PRTG: variants seen among roughly 807,000 people sequenced by gnomAD.
The protein encoded by PRTG is immunoglobulin superfamily, DCC subclass, member 5.
A neutral mutation model predicts 122.5 loss-of-function variants in PRTG; 67 were observed. The ratio of observed to expected loss-of-function variants is 0.55; its 90% CI spans 0.45 to 0.67. PRTG has a LOEUF of 0.67. Among genes scored for constraint, PRTG ranks in the 30% least tolerant of loss-of-function variants. PRTG has a pLI of 0.00. For synonymous variants in PRTG, 554 were observed against 501.1 expected (o/e 1.11, Z -1.41); for missense variants, 1,435 against 1,415.4 (o/e 1.01, Z -0.22).
In PRTG at chr15:55,677,843, A is replaced by G. The variant is rs11854213; in HGVS notation, c.1335T>C (p.Asn445=). The change falls in exon 8 of 20, where the codon AAT becomes AAC. Residue 445 remains asparagine (N), a synonymous_variant. Coordinates refer to ENST00000389286, the MANE Select transcript of PRTG (RefSeq NM_173814.6). Reference sequence around the variant, plus strand: ...CAGAATAGGCAATGACTTTGTCTGAATTATAAAGTGGCCTCTCCCAGGCTA... The same window carrying G: ...CAGAATAGGCAATGACTTTGTCTGAGTTATAAAGTGGCCTCTCCCAGGCTA... The part of the protein sequence containing the change: ...ILLAWERPLY[N]SDKVIAYSVH... 0.12 allele frequency: 200,559 copies of G among 1,613,280 alleles called. 16,866 individuals carry two copies. Among genetic ancestry groups the G allele is most frequent in the East Asian group, 0.39 (17,588 of 44,836 alleles).
intron 11 of PRTG, among the ~76,000 whole-genome samples, chr15:55,660,212 C>A (rs2059402675): frequency 1.3e-5 from 2 of 152,128 alleles, no homozygotes; most frequent in Non-Finnish European, 2.9e-5. Flanking sequence ...ATAGTTAGTA[C>A]AAGGCTTAAA....
intron 11 of PRTG, among the ~76,000 whole-genome samples, chr15:55,665,103 T>C (rs999506302): frequency 1.3e-5 from 2 of 150,982 alleles, no homozygotes; most frequent in Non-Finnish European, 3.0e-5. Flanking sequence ...CTAAAAAAAA[T>C]ACAAAAAATT....
chr15:55,624,273 G>T, intron 18 of PRTG, 69 bp downstream of exon 18: 1 of 1,419,682 alleles, frequency 7.0e-7, no homozygotes, highest in Non-Finnish European at 9.7e-7. Context: ...TTTGGGGGAA[G>T]TACATTTTAC....
rs147234979 is a variant in PRTG at position 55,678,854 on chromosome 15, G to T, written c.1133+432C>A. 3.7e-4 allele frequency among the ~76,000 whole-genome samples: 56 copies of T among 152,176 alleles called. 1 individual carries two copies. The highest frequency in any genetic ancestry group is 8.7e-4 in the African/African-American group (36 of 41,548). ...ACAAATGAGAATGTTACAATAATTTGTATTTATGCTAATAAAAATGAATTA... is the reference window on the plus strand; with the variant it reads ...ACAAATGAGAATGTTACAATAATTTTTATTTATGCTAATAAAAATGAATTA... On this transcript the variant is annotated intron_variant, in intron 7 of 19. Coordinates refer to ENST00000389286, the MANE Select transcript of PRTG (RefSeq NM_173814.6).
Position 55,677,408 on chromosome 15 carries a change from T to C in PRTG, c.1381+389A>G, listed in dbSNP as rs556216867. 7.2e-5 allele frequency among the ~76,000 whole-genome samples: 11 copies of C among 152,274 alleles called. No homozygotes were observed. The East Asian group carries it at 2.1e-3, about 29-fold the overall frequency. On this transcript the variant is annotated intron_variant, in intron 8 of 19. Coordinates refer to ENST00000389286, the MANE Select transcript of PRTG (RefSeq NM_173814.6). Reference sequence around the variant, plus strand: ...TTAAAAATAATAAATATACATAGTTTATTATTTTACTAAACAGTCAAACCA... The same window carrying C: ...TTAAAAATAATAAATATACATAGTTCATTATTTTACTAAACAGTCAAACCA...
At chr15:55,718,659 A>G (rs1182406229) in intron 2 of PRTG, among the ~76,000 whole-genome samples, 1 of 151,924 alleles carries the variant, frequency 6.6e-6, no homozygotes, top group African/African-American at 2.4e-5. Flanking sequence ...AAAATCATGC[A>G]AGTTTTTAAA....
intron 2 of PRTG, among the ~76,000 whole-genome samples, chr15:55,701,662 C>A (rs1191376576): frequency 6.6e-6 from 1 of 152,132 alleles, no homozygotes; most frequent in Non-Finnish European, 1.5e-5. Flanking sequence ...CATAATCATC[C>A]AAAACTGGAA....
intron 2 of PRTG, among the ~76,000 whole-genome samples, chr15:55,728,282 C>T (rs548169058): frequency 9.2e-5 from 14 of 152,252 alleles, no homozygotes; most frequent in African/African-American, 3.4e-4. Context: ...TTCTATGACA[C>T]CTACTCCACT....
At chr15:55,742,782 C>T (rs1186236997) in intron 1 of PRTG, 56 bp downstream of exon 1, 5 of 1,536,100 alleles carry the variant, frequency 3.3e-6, no homozygotes, top group African/African-American at 1.4e-5. Context: ...CCCCATCCCA[C>T]TCGCGCCCGC....
intron 2 of PRTG, among the ~76,000 whole-genome samples, chr15:55,701,503 C>G (rs1334531740): frequency 2.6e-5 from 4 of 152,168 alleles, no homozygotes; most frequent in Non-Finnish European, 5.9e-5. Flanking sequence ...CACTGCACCC[C>G]AGCCTGGATG....
chr15:55,674,794 GA>G (rs2059492974), intron 9 of PRTG, among the ~76,000 whole-genome samples: 1 of 152,066 alleles, frequency 6.6e-6, no homozygotes, highest in Non-Finnish European at 1.5e-5. Context: ...GAACAGTATT[GA>G]TTAAGCATGT....
At chr15:55,632,879 T>G (rs1182009242) in intron 15 of PRTG, among the ~76,000 whole-genome samples, 1 of 152,226 alleles carries the variant, frequency 6.6e-6, no homozygotes, top group Non-Finnish European at 1.5e-5. Flanking sequence ...GTGCCTAGAA[T>G]AGAGCCTGGC....
At chr15:55,650,774 G>A (rs867820742) in intron 11 of PRTG, among the ~76,000 whole-genome samples, 3 of 151,992 alleles carry the variant, frequency 2.0e-5, no homozygotes, top group Admixed American at 6.6e-5. Context: ...AGACCAACCC[G>A]GGCAACACAG....
chr15:55,627,628 C>T (rs1168853572), intron 16 of PRTG, among the ~76,000 whole-genome samples: 4 of 151,908 alleles, frequency 2.6e-5, no homozygotes, highest in Non-Finnish European at 5.9e-5. Context: ...GCGTGAGCCA[C>T]CACGCCCGGC....
chr15:55,685,536 G>A (rs1276477717), intron 2 of PRTG, among the ~76,000 whole-genome samples: 1 of 152,108 alleles, frequency 6.6e-6, no homozygotes, highest in African/African-American at 2.4e-5. Flanking sequence ...TATTACAACA[G>A]ACCAAAAGTT....
Position 55,680,069 on chromosome 15 carries a change from T to C in PRTG, c.958A>G (p.Thr320Ala), listed in dbSNP as rs771790745. 1.2e-6 allele frequency: 2 copies of C among 1,613,686 alleles called. No homozygotes were observed. The highest frequency in any genetic ancestry group is 2.2e-5 in the East Asian group (1 of 44,852). ...GTRNFTVAMA[T>A]LTVLAPPSFV... is the part of the protein sequence containing the mutation. ...AGGAACATACCTAATACAGTTAAAG[T>C]TGCCATAGCAACTGTAAAGTTGCGT... The change falls in exon 6 of 20, where the codon ACT (threonine) becomes GCT (alanine). Residue 320 changes from threonine to alanine, a missense_variant. Coordinates refer to ENST00000389286, the MANE Select transcript of PRTG (RefSeq NM_173814.6).
intron 11 of PRTG, among the ~76,000 whole-genome samples, chr15:55,654,320 T>C (rs1028929962): frequency 5.9e-5 from 9 of 152,168 alleles, no homozygotes; most frequent in South Asian, 2.1e-4. Context: ...CCAGAATTTA[T>C]AGTAGTTGTA....
chr15:55,641,552 C>A (rs1389250373), intron 11 of PRTG, among the ~76,000 whole-genome samples: 1 of 152,082 alleles, frequency 6.6e-6, no homozygotes, highest in Non-Finnish European at 1.5e-5. Flanking sequence ...GGATCACTTG[C>A]AAGAGGTTAC....
chr15:55,696,337 T>TA (rs1223848505), intron 2 of PRTG, among the ~76,000 whole-genome samples: 2 of 152,220 alleles, frequency 1.3e-5, no homozygotes, highest in Non-Finnish European at 2.9e-5. Context: ...TTGAGTTTGA[T>TA]ATATATTAAC....
Sources: allele counts gnomAD v4.1 joint callset (sites outside exome capture counted in the v4.1 genomes callset), GRCh38; gene constraint gnomAD v4.1.1; transcripts MANE v1.5; gene names NCBI Gene and HGNC (gene_info 2026-07-23, HGNC 2026-07-21).